Variants in NXPE2 observed in about 807,000 individuals in gnomAD.
NXPE2 encodes NXPE family member 2.
Under a neutral mutation model 34.4 loss-of-function variants are expected in NXPE2, and 34 were observed. The observed-to-expected ratio is 0.99, with a 90% CI of 0.75 to 1.31. The LOEUF is 1.31. Ranked by LOEUF, NXPE2 falls within the 40% of genes most tolerant of loss-of-function variation. The pLI is 0.00. For synonymous variants in NXPE2, 235 were observed against 231.3 expected (o/e 1.02, Z -0.15); for missense variants, 649 against 672.5 (o/e 0.97, Z 0.39).
the NXPE2 span, among the ~76,000 whole-genome samples, chr11:114,623,186 C>T: frequency 6.6e-6 from 1 of 151,784 alleles, no homozygotes; most frequent in African/African-American, 2.4e-5. Context: ...ATTATTGCCT[C>T]TAGGGTAACC....
chr11:114,806,607 C>T, the NXPE2 span, among the ~76,000 whole-genome samples: 936 of 151,510 alleles, frequency 6.2e-3, 5 homozygotes, highest in Non-Finnish European at 0.011. Flanking sequence ...TGATGGAAGA[C>T]GAAAGGAATG....
the NXPE2 span, among the ~76,000 whole-genome samples, chr11:114,540,837 CTTT>C: frequency 1.3e-4 from 6 of 47,470 alleles, no homozygotes; most frequent in Admixed American, 6.2e-4. Flanking sequence ...AGAAAGCCAT[CTTT>C]TTTTTTTTTT....
At chr11:114,639,650 T>C in the NXPE2 span, among the ~76,000 whole-genome samples, 1 of 144,080 alleles carries the variant, frequency 6.9e-6, no homozygotes, top group South Asian at 2.1e-4. Flanking sequence ...AATTTATTTA[T>C]ATATAATTTA....
the NXPE2 span, among the ~76,000 whole-genome samples, chr11:114,626,777 T>A: frequency 6.6e-6 from 1 of 151,604 alleles, no homozygotes; most frequent in East Asian, 1.9e-4. Context: ...TTGAAAAAAA[T>A]TTAGAATAAT....
chr11:114,482,893 A>G, the NXPE2 span, among the ~76,000 whole-genome samples: 4 of 152,178 alleles, frequency 2.6e-5, no homozygotes, highest in South Asian at 4.1e-4. Flanking sequence ...TTTTCAGCCA[A>G]TTGTTAGTTG....
the NXPE2 span, among the ~76,000 whole-genome samples, chr11:114,558,964 CAT>C: frequency 6.6e-6 from 1 of 152,084 alleles, no homozygotes; most frequent in Non-Finnish European, 1.5e-5. Context: ...GGTTAAGAAA[CAT>C]GTAGTGGATG....
chr11:114,553,697 A>G, the NXPE2 span: 8 of 984,308 alleles, frequency 8.1e-6, no homozygotes, highest in African/African-American at 3.5e-5. Context: ...CCTAGATTCT[A>G]CTCCTTAGCT....
At chr11:114,605,255 C>A in the NXPE2 span, among the ~76,000 whole-genome samples, 156 of 152,016 alleles carry the variant, frequency 1.0e-3, 2 homozygotes, top group Admixed American at 8.4e-3. Flanking sequence ...ATAAGTACAG[C>A]CTCGTGGGAA....
chr11:114,498,009 A>G, the NXPE2 span, among the ~76,000 whole-genome samples: 1 of 151,990 alleles, frequency 6.6e-6, no homozygotes, highest in African/African-American at 2.4e-5. Flanking sequence ...GATGTTTCTT[A>G]TGTATTGCAT....
At chr11:114,762,178 C>A in the NXPE2 span, among the ~76,000 whole-genome samples, 1 of 152,010 alleles carries the variant, frequency 6.6e-6, no homozygotes, top group East Asian at 1.9e-4. Context: ...CAGGTGCTTT[C>A]CAGGTGGATG....
At chr11:114,543,127 A>G in the NXPE2 span, among the ~76,000 whole-genome samples, 367 of 152,172 alleles carry the variant, frequency 2.4e-3, 5 homozygotes, top group Middle Eastern at 0.01. Context: ...AGGCTGAGGC[A>G]GGCGGATCAG....
chr11:114,619,889 T>C, the NXPE2 span, among the ~76,000 whole-genome samples: 2 of 148,892 alleles, frequency 1.3e-5, no homozygotes, highest in Non-Finnish European at 3.0e-5. Flanking sequence ...TGGGTAAGAA[T>C]TCTTATCCTG....
the NXPE2 span, among the ~76,000 whole-genome samples, chr11:114,725,976 A>AAAATAT: frequency 7.0e-3 from 714 of 101,766 alleles, 16 homozygotes; most frequent in Middle Eastern, 0.019. Flanking sequence ...ATAAAAAAAA[A>AAAATAT]ATATATATAT....
chr11:114,678,448 C>T (rs1310300984), upstream of NXPE2: 1 of 704,282 alleles, frequency 1.4e-6, no homozygotes, highest in Non-Finnish European at 2.4e-6. Context: ...CACGCTGTGG[C>T]CACAAATAGG....
chr11:114,554,173 C>G, the NXPE2 span: 1 of 985,362 alleles, frequency 1.0e-6, no homozygotes, highest in Non-Finnish European at 1.2e-6. Context: ...CGCTAGTTGT[C>G]TCTTTCATCA....
rs562031926 is a variant in NXPE2, at chr11:114,696,350, A to C, written c.133-1695A>C. On this transcript the variant is annotated intron_variant, in intron 2 of 5. Transcript: ENST00000389586. ...CCATATCAAAAAAACCAAAAAAAAA[A>C]AAAAAAAAAGAAAGAAAAGAAAAGA... Among the ~76,000 whole-genome samples the C allele has an allele frequency of 1.9e-3, 276 of 148,438 alleles. 4 individuals are homozygous for C. Among genetic ancestry groups the C allele is most frequent in the African/African-American group, 6.4e-3 (263 of 41,156 alleles).
the NXPE2 span, among the ~76,000 whole-genome samples, chr11:114,535,836 G>A: frequency 6.6e-6 from 1 of 152,104 alleles, no homozygotes; most frequent in Non-Finnish European, 1.5e-5. Flanking sequence ...AATAATGGGA[G>A]ACGTTAACAC....
chr11:114,531,977 C>T, the NXPE2 span, among the ~76,000 whole-genome samples: 11 of 152,318 alleles, frequency 7.2e-5, no homozygotes, highest in South Asian at 2.3e-3. Flanking sequence ...ATAATCACTA[C>T]ATTATGTTGT....
the NXPE2 span, among the ~76,000 whole-genome samples, chr11:114,804,000 G>A: frequency 6.6e-6 from 1 of 152,138 alleles, no homozygotes; most frequent in Non-Finnish European, 1.5e-5. Context: ...TTCAAAATAT[G>A]AGTTATGGGG....
Sources: allele counts gnomAD v4.1 joint callset (sites outside exome capture counted in the v4.1 genomes callset), GRCh38; gene constraint gnomAD v4.1.1; transcripts MANE v1.5; gene names NCBI Gene and HGNC (gene_info 2026-07-23, HGNC 2026-07-21).